A2ML1: variants seen among roughly 807,000 people sequenced by gnomAD.
A2ML1 encodes the protein alpha-2-macroglobulin-like protein 1.
Under a neutral mutation model 181.9 loss-of-function variants are expected in A2ML1, and 161 were observed. That is an observed-to-expected ratio of 0.89 (90% CI 0.78 to 1.01). The LOEUF (loss-of-function observed/expected upper bound fraction) is 1.01. Among genes scored for constraint, A2ML1 ranks in the 50% least tolerant of loss-of-function variants. The pLI is 0.00. For missense variants in A2ML1, 1,670 were observed against 1,768.1 expected (o/e 0.94, Z 1.00); for synonymous variants, 663 against 666.8 (o/e 0.99, Z 0.09).
chr12:8,832,633 C>T (rs137901459), intron 4 of A2ML1, among the ~76,000 whole-genome samples: 173 of 152,222 alleles, frequency 1.1e-3, no homozygotes, highest in African/African-American at 4.1e-3. Flanking sequence ...TTCAGTCCCT[C>T]CCTTTGGGTT....
chr12:8,827,326 G>T (rs766069456), intron 3 of A2ML1, among the ~76,000 whole-genome samples: 2 of 152,150 alleles, frequency 1.3e-5, no homozygotes, highest in Admixed American at 6.5e-5. Context: ...GCAACAGAGC[G>T]AGACTGTCTC....
chr12:8,840,229 G>T (rs994171945), intron 10 of A2ML1, among the ~76,000 whole-genome samples: 1 of 151,798 alleles, frequency 6.6e-6, no homozygotes, highest in East Asian at 2.0e-4. Context: ...GCATGGTGGC[G>T]CATGCCTATA....
At chr12:8,825,337 T>C (rs1942895761) in intron 3 of A2ML1, among the ~76,000 whole-genome samples, 1 of 152,236 alleles carries the variant, frequency 6.6e-6, no homozygotes, top group Admixed American at 6.5e-5. Flanking sequence ...TACATTTCTC[T>C]GACAGTCAAT....
chr12:8,857,421 C>A (rs1944106794), intron 24 of A2ML1, 81 bp downstream of exon 24: 2 of 1,605,408 alleles, frequency 1.2e-6, no homozygotes, highest in Admixed American at 1.7e-5. Flanking sequence ...GGAATTCCAG[C>A]CCCTCAAGTG....
At chr12:8,845,345 C>T (rs1002460212) in intron 12 of A2ML1, 97 bp from the exon 13 acceptor site, 2 of 1,456,720 alleles carry the variant, frequency 1.4e-6, no homozygotes, top group African/African-American at 1.4e-5. Context: ...TGAAAGGAAC[C>T]TCTCCTCATG....
chr12:8,864,137 T>C lies in A2ML1; in HGVS notation c.3717+129T>C, dbSNP rs1415052296. 9.3e-6 allele frequency: 7 copies of C among 755,868 alleles called. No homozygotes were observed. In the East Asian group the frequency reaches 1.1e-4, roughly 12 times the overall value. 46.8% of individuals were successfully genotyped at this position (755,868 alleles called of 1,614,324 possible). A position where few individuals can be genotyped will look rare whatever the true frequency, so the allele number is the denominator to read the frequency against. On this transcript the variant is annotated intron_variant, in intron 29 of 35. Coordinates refer to ENST00000299698, the MANE Select transcript of A2ML1 (RefSeq NM_144670.6). ...AGAGAGGAAAAGCCTGTGAACAATA[T>C]ATGGAAGTATTCATAAAATGGGTTA...
Position 8,852,442 on chromosome 12 carries a change from T to C in A2ML1, c.2590+106T>C. 1 of 1,497,352 alleles carries C rather than the reference T, an allele frequency of 6.7e-7. No homozygotes were observed. The highest frequency in any genetic ancestry group is 2.3e-5 in the East Asian group (1 of 43,890). 92.8% of individuals were successfully genotyped at this position (1,497,352 alleles called of 1,614,324 possible). A position where few individuals can be genotyped will look rare whatever the true frequency, so the allele number is the denominator to read the frequency against. On this transcript the variant is annotated intron_variant, in intron 20 of 35. Transcript: ENST00000299698. The surrounding 1 kb of genome is among the most constrained non-coding windows in gnomAD (Gnocchi z 4.2). ...CACATCTGCTTTGCTTCCTCCTCCA[T>C]TTTCCACTATTTTTCTCCCTCCTAA...
rs773370500 is a variant in A2ML1, at chr12:8,849,778, CTG to C, written c.2119+22_2119+23del. 121 of 1,607,664 alleles carry C rather than the reference CTG, an allele frequency of 7.5e-5. No homozygotes were observed. The East Asian group carries it at 2.7e-3, about 36-fold the overall frequency. On this transcript the variant is annotated intron_variant, in intron 17 of 35. Transcript: ENST00000299698. The stretch of plus-strand genomic sequence containing the variant: ...ATGGGTGGTAAGCCACCTCTGTGGT[CTG>C]TGGATTCTCTGAGATGTTAACAGTC...
chr12:8,855,175 G>C (rs143908542), intron 22 of A2ML1, among the ~76,000 whole-genome samples: 5 of 152,316 alleles, frequency 3.3e-5, no homozygotes, highest in Non-Finnish European at 5.9e-5. Flanking sequence ...TTACAGGCGT[G>C]AGCCACTGCA....
Position 8,847,538 on chromosome 12 carries a change from C to A in A2ML1, c.1684-11C>A. ...GACCTGATCCCCAAGTTATACCTTT[C>A]CCTTCCCCAGGTTTCCCTTGGCTTC... On this transcript the variant is annotated splice_polypyrimidine_tract_variant and intron_variant, in intron 14 of 35. Coordinates refer to ENST00000299698, the MANE Select transcript of A2ML1 (RefSeq NM_144670.6). 6.2e-7 allele frequency: 1 copy of A among 1,603,528 alleles called. No individual in the cohort carries two copies. The highest frequency in any genetic ancestry group is 8.5e-7 in the Non-Finnish European group (1 of 1,175,708).
intron 4 of A2ML1, among the ~76,000 whole-genome samples, chr12:8,832,513 C>T (rs2136746336): frequency 6.6e-6 from 1 of 152,328 alleles, no homozygotes; most frequent in South Asian, 2.1e-4. Context: ...GTCTGGCTTA[C>T]ACCCAGGAAT....
Position 8,857,214 on chromosome 12 carries a change from C to G in A2ML1, c.2899C>G (p.Pro967Ala). Residue 967 changes from proline to alanine, a missense_variant, in exon 24 of 36, where the codon CCC becomes GCC. By Grantham distance (27) the Pro-to-Ala change is conservative. Transcript: ENST00000299698. ...GAACCTGGATGGTCTGGTGCAGATG[C>G]CCAGTGGCTGTGGCGAGCAGAACAT... ...LQNLDGLVQM[P>A]SGCGEQNMVL... 1.2e-6 allele frequency: 2 copies of G among 1,612,988 alleles called. No homozygotes were observed. Among genetic ancestry groups the G allele is most frequent in the African/African-American group, 1.3e-5 (1 of 74,980 alleles).
intron 33 of A2ML1, among the ~76,000 whole-genome samples, chr12:8,873,998 CTTTTTTTAATTAAAAAAAAAATT>C (rs1270315326): frequency 3.3e-5 from 5 of 151,808 alleles, no homozygotes; most frequent in African/African-American, 4.8e-5. Context: ...TTCAGAGAAT[CTTTTTTTAATTAAAAAAAAAATT>C]TTTTTTTAAT....
At position 8,850,268 on chromosome 12, in the gene A2ML1, C is replaced by A; in HGVS notation, c.2228C>A (p.Pro743His). ...GAGACCTGGCTCTGGGATCTGTTTC[C>A]TATTGGGTAAGTGATGACTCAAAAG... Reference protein sequence around the residue: ...FPETWLWDLFPIGNSGKEAVH... With the variant: ...FPETWLWDLFHIGNSGKEAVH... Residue 743 changes from proline (P) to histidine (H), a missense_variant, in exon 18 of 36, where the codon CCT becomes CAT. By Grantham distance (77) the Pro-to-His change is moderately conservative (BLOSUM62 -2). Coordinates refer to ENST00000299698, the MANE Select transcript of A2ML1 (RefSeq NM_144670.6). 1 of 1,610,768 alleles carries A rather than the reference C, an allele frequency of 6.2e-7. No homozygotes were observed. Among genetic ancestry groups the A allele is most frequent in the Non-Finnish European group, 8.5e-7 (1 of 1,178,850 alleles).
chr12:8,868,554 G>A lies in A2ML1; in HGVS notation c.4079G>A (p.Ser1360Asn), dbSNP rs751230741. 1.2e-6 allele frequency: 2 copies of A among 1,613,990 alleles called. No individual in the cohort carries two copies. The highest frequency in any genetic ancestry group is 4.5e-5 in the East Asian group (2 of 44,874). Residue 1360 changes from serine (S) to asparagine (N), a missense_variant, in exon 32 of 36, where the codon AGC (serine) becomes AAC (asparagine). Physicochemically the swap from Ser to Asn is conservative, Grantham distance 46. Transcript: ENST00000299698. ...GCTCTCAGTTATGTGGGGAGCCGTA[G>A]CTCTTCCAATATGGCTATTGTGGAA... ...TIHTSYVGSR[S>N]SSNMAIVEVK...
intron 10 of A2ML1, among the ~76,000 whole-genome samples, chr12:8,841,118 C>T (rs536796890): frequency 5.0e-4 from 76 of 152,264 alleles, no homozygotes; most frequent in African/African-American, 1.5e-3. Flanking sequence ...CATTAGCCAC[C>T]GGGCAAATCT....
At chr12:8,824,222 GTTTTTTTTTTTTTTT>G (rs34400836) in intron 3 of A2ML1, among the ~76,000 whole-genome samples, 3 of 92,310 alleles carry the variant, frequency 3.2e-5, no homozygotes, top group African/African-American at 1.3e-4. Flanking sequence ...AGCTACTGGG[GTTTTTTTTTTTTTTT>G]TTTTTTTTTT....
At chr12:8,886,321 T>G (rs1319587902) in intron 7 of A2ML1, among the ~76,000 whole-genome samples, 1 of 152,156 alleles carries the variant, frequency 6.6e-6, no homozygotes, top group East Asian at 1.9e-4. Flanking sequence ...CTCTCAGCAG[T>G]GTTTTGTAGT....
intron 2 of A2ML1, 147 bp from the exon 3 acceptor site, chr12:8,823,573 C>A: frequency 9.1e-7 from 1 of 1,101,894 alleles, no homozygotes; most frequent in East Asian, 2.4e-5. Context: ...GACCTTAATT[C>A]TTCCTCGTGG....
Sources: gnomAD v4.1 joint callset for allele counts (sites outside exome capture counted in the v4.1 genomes callset) on GRCh38, gnomAD v4.1.1 for gene constraint, Gnocchi (gnomAD v3.1) non-coding constraint, MANE v1.5 for transcripts, NCBI Gene and HGNC (gene_info 2026-07-23, HGNC 2026-07-21) for gene names.